MINDY2: variants seen among roughly 807,000 people sequenced by gnomAD.
MINDY2 encodes the protein ubiquitin carboxyl-terminal hydrolase MINDY-2.
Under a neutral mutation model 68.2 loss-of-function variants are expected in MINDY2, and 52 were observed. The ratio of observed to expected loss-of-function variants is 0.76; its 90% CI spans 0.61 to 0.96. The LOEUF (loss-of-function observed/expected upper bound fraction) is 0.96, where lower values mean the gene tolerates loss of function less well. Ranked by LOEUF, MINDY2 falls within the 40% of genes least tolerant of loss-of-function variation. The pLI is 0.00. For synonymous variants in MINDY2, 372 were observed against 303.0 expected (o/e 1.23, Z -2.36); for missense variants, 881 against 773.4 (o/e 1.14, Z -1.65).
At chr15:58,822,781 C>A (rs1304538884) in intron 5 of MINDY2, among the ~76,000 whole-genome samples, 1 of 152,054 alleles carries the variant, frequency 6.6e-6, no homozygotes. Flanking sequence ...TTCACTCTTT[C>A]AAAAATATAC....
In MINDY2 at chr15:58,859,063, A is replaced by G. The variant is rs954126775; in HGVS notation, c.*4453A>G. ...TCTTGAATGTGCACACTTTTTTCTC[A>G]ATAACAAAATATATCTTAAGTCAGT... On this transcript the variant is annotated 3_prime_UTR_variant, in exon 9 of 9. Coordinates refer to ENST00000559228, the MANE Select transcript of MINDY2 (RefSeq NM_001040450.3). 2 of 152,096 alleles carry G rather than the reference A, an allele frequency of 1.3e-5. No homozygotes were observed. The highest frequency in any genetic ancestry group is 6.5e-5 in the Admixed American group (1 of 15,268). The allele number at this position is 152,096 out of a possible 1,614,324, so 9.4% of individuals were successfully genotyped here.
chr15:58,811,924 A>T (rs1420048092), intron 4 of MINDY2, among the ~76,000 whole-genome samples: 2 of 152,218 alleles, frequency 1.3e-5, no homozygotes, highest in South Asian at 2.1e-4. Context: ...CTGTTTTAAT[A>T]TTATTTTCAC....
intron 1 of MINDY2, among the ~76,000 whole-genome samples, chr15:58,787,089 C>G (rs1901553168): frequency 6.6e-6 from 1 of 151,128 alleles, no homozygotes; most frequent in Admixed American, 6.6e-5. Context: ...GTTGGCCTTC[C>G]AAAGTGCTGG....
intron 6 of MINDY2, among the ~76,000 whole-genome samples, chr15:58,832,228 CTTT>C (rs568639158): frequency 2.1e-5 from 3 of 139,980 alleles, no homozygotes; most frequent in African/African-American, 2.6e-5. Flanking sequence ...AGGATGACTT[CTTT>C]TTTTTTTTTT....
rs2033159768 is a variant in MINDY2, at chr15:58,859,595, G to A, written c.*4985G>A. The A allele has an allele frequency of 6.6e-6, 1 of 152,120 alleles. No homozygotes were observed. The highest frequency in any genetic ancestry group is 1.5e-5 in the Non-Finnish European group (1 of 68,020). The allele number at this position is 152,120 out of a possible 1,614,324, so 9.4% of individuals were successfully genotyped here. Reference sequence around the variant, plus strand: ...GAAGAATTGAGGTTACTCTTCTCAGGTGACACTTTAAATATTAAAATCAGA... The same window carrying A: ...GAAGAATTGAGGTTACTCTTCTCAGATGACACTTTAAATATTAAAATCAGA... On this transcript the variant is annotated 3_prime_UTR_variant, in exon 9 of 9. Coordinates refer to ENST00000559228, the MANE Select transcript of MINDY2 (RefSeq NM_001040450.3).
chr15:58,819,096 C>T (rs1360561375), intron 4 of MINDY2, among the ~76,000 whole-genome samples: 1 of 152,132 alleles, frequency 6.6e-6, no homozygotes, highest in African/African-American at 2.4e-5. Context: ...CTTTCCTCAG[C>T]CTCTTGAATA....
intron 1 of MINDY2, among the ~76,000 whole-genome samples, chr15:58,779,998 T>C (rs866425516): frequency 6.6e-5 from 10 of 152,198 alleles, no homozygotes; most frequent in African/African-American, 2.4e-4. Context: ...CTCAGTTATT[T>C]TTGTGTCCAG....
chr15:58,785,000 C>T (rs1400246084), intron 1 of MINDY2, among the ~76,000 whole-genome samples: 1 of 151,876 alleles, frequency 6.6e-6, no homozygotes, highest in East Asian at 1.9e-4. Flanking sequence ...ACTGTTAATT[C>T]TGTATTCTTA....
intron 2 of MINDY2, among the ~76,000 whole-genome samples, chr15:58,791,542 G>A (rs1345286126): frequency 6.7e-6 from 1 of 150,146 alleles, no homozygotes; most frequent in African/African-American, 2.4e-5. Flanking sequence ...GCTTGGGCCT[G>A]GGATCCAGAG....
chr15:58,771,775 G>A lies in MINDY2; in HGVS notation c.380G>A (p.Gly127Glu), dbSNP rs533321521. The A allele has an allele frequency of 3.1e-6, 5 of 1,610,670 alleles. No individual in the cohort carries two copies. The highest frequency in any genetic ancestry group is 4.2e-6 in the Non-Finnish European group (5 of 1,179,154). Residue 127 changes from glycine (G) to glutamate (E), a missense_variant, in exon 1 of 9, where the codon GGA becomes GAA. Transcript: ENST00000559228. ...GTGGGTCATGAGTTGGGTACCGCCG[G>A]AGACGCGGGAGCCCGCCCGGATCTC... ...AGVGHELGTA[G>E]DAGARPDLAG...
rs1332659128 is a variant in MINDY2 at position 58,859,346 on chromosome 15, A to T, written c.*4736A>T. ...AATACAGTATATAAACTTCGTTTGC[A>T]TTGGTGGAATTCATTTAGATCTCTC... is the stretch of plus-strand genomic sequence containing the variant. On this transcript the variant is annotated 3_prime_UTR_variant, in exon 9 of 9. Transcript: ENST00000559228. The T allele has an allele frequency of 6.6e-6, 1 of 152,102 alleles. No individual in the cohort carries two copies. The highest frequency in any genetic ancestry group is 1.5e-5 in the Non-Finnish European group (1 of 67,984). 9.4% of individuals were successfully genotyped at this position (152,102 alleles called of 1,614,324 possible).
At position 58,771,598 on chromosome 15, in the gene MINDY2, C is replaced by A; in HGVS notation, c.203C>A (p.Ser68Tyr). 6.2e-7 allele frequency: 1 copy of A among 1,611,678 alleles called. No individual in the cohort carries two copies. The highest frequency in any genetic ancestry group is 8.5e-7 in the Non-Finnish European group (1 of 1,179,672). ...AGGAGGAGCCTCCCGGACTCGGCTT[C>A]TCCCGCGGGCTCTCCTGAGGTTCCC... ...AARRSLPDSA[S>Y]PAGSPEVPGP... The change falls in exon 1 of 9, where the codon TCT (serine) becomes TAT (tyrosine). Residue 68 changes from serine to tyrosine, a missense_variant. Physicochemically the swap from Ser to Tyr is moderately radical, Grantham distance 144 (BLOSUM62 -2). Transcript: ENST00000559228.
In MINDY2 at chr15:58,861,301, G is replaced by A. The variant is rs16940866; in HGVS notation, c.*6691G>A. The A allele has an allele frequency of 6.9e-3, 1,058 of 152,268 alleles. 13 individuals are homozygous for A. The highest frequency in any genetic ancestry group is 0.025 in the African/African-American group (1,030 of 41,556). 9.4% of individuals were successfully genotyped at this position (152,268 alleles called of 1,614,324 possible). ...TGTGACATATCAAAGATCTCTTTGT[G>A]CCAGGCCAAGACTGGCTACTGAGTT... On this transcript the variant is annotated 3_prime_UTR_variant, in exon 9 of 9. Coordinates refer to ENST00000559228, the MANE Select transcript of MINDY2 (RefSeq NM_001040450.3).
At chr15:58,810,521 G>A (rs1372893986) in intron 4 of MINDY2, 133 bp downstream of exon 4, 8 of 821,008 alleles carry the variant, frequency 9.7e-6, no homozygotes, top group African/African-American at 1.8e-5. Context: ...AAACTATGAG[G>A]TTAAGAACAG....
rs2033102566 is a variant in MINDY2, at chr15:58,857,568, T to G, written c.*2958T>G. 4 of 150,452 alleles carry G rather than the reference T, an allele frequency of 2.7e-5. No homozygotes were observed. In the South Asian group the frequency reaches 8.4e-4, roughly 32 times the overall value. 9.3% of individuals were successfully genotyped at this position (150,452 alleles called of 1,614,324 possible). ...AAAAAAAAAAAAATTAGAGCTATTGTGTCTTTATTTTCTTAAATTTTGCCC... is the reference window on the plus strand; with the variant it reads ...AAAAAAAAAAAAATTAGAGCTATTGGGTCTTTATTTTCTTAAATTTTGCCC... On this transcript the variant is annotated 3_prime_UTR_variant, in exon 9 of 9. Transcript: ENST00000559228.
In MINDY2 at chr15:58,772,081, T is replaced by G; in HGVS notation, c.686T>G (p.Val229Gly). 6.2e-7 allele frequency: 1 copy of G among 1,613,122 alleles called. No homozygotes were observed. Among genetic ancestry groups the G allele is most frequent in the Non-Finnish European group, 8.5e-7 (1 of 1,179,452 alleles). ...GAGGAGGGGGAGGAGACCGCTCAGGTGCTGGCGGCCTCCAAGGAACGCTTC... is the reference window on the plus strand; with the variant it reads ...GAGGAGGGGGAGGAGACCGCTCAGGGGCTGGCGGCCTCCAAGGAACGCTTC... ...KEEEGEETAQ[V>G]LAASKERFPG... The change falls in exon 1 of 9, where the codon GTG becomes GGG. Residue 229 changes from valine to glycine, a missense_variant. Coordinates refer to ENST00000559228, the MANE Select transcript of MINDY2 (RefSeq NM_001040450.3).
At chr15:58,772,350 TCTTA>T in intron 1 of MINDY2, 115 bp downstream of exon 1, 3 of 1,450,154 alleles carry the variant, frequency 2.1e-6, no homozygotes, top group Non-Finnish European at 2.8e-6. Flanking sequence ...TCAGTCCCCT[TCTTA>T]CATGAAATTC....
In MINDY2 at chr15:58,825,082, G is replaced by A. The variant is rs151265753; in HGVS notation, c.1225+3263G>A. 3.1e-3 allele frequency among the ~76,000 whole-genome samples: 476 copies of A among 152,186 alleles called. 4 individuals carry two copies. Among genetic ancestry groups the A allele is most frequent in the African/African-American group, 0.011 (449 of 41,516 alleles). On this transcript the variant is annotated intron_variant, in intron 5 of 8. Transcript: ENST00000559228. ...TAAATCAATAAAATACCTCAAAGCC[G>A]ACTTGTTTCTAATCTTTATTAAAAA...
intron 4 of MINDY2, chr15:58,815,398 T>C (rs2030612866): frequency 6.6e-6 from 1 of 152,296 alleles, no homozygotes; most frequent in Non-Finnish European, 1.5e-5. Flanking sequence ...TCACCCAGGC[T>C]GGAGTGCAGT....
Sources: gnomAD v4.1 joint callset for allele counts (sites outside exome capture counted in the v4.1 genomes callset) on GRCh38, gnomAD v4.1.1 for gene constraint, MANE v1.5 for transcripts, NCBI Gene and HGNC (gene_info 2026-07-23, HGNC 2026-07-21) for gene names.